Variants in MCM3AP observed in about 807,000 individuals in gnomAD.
MCM3AP encodes the protein germinal-center associated nuclear protein.
In MCM3AP, 126 loss-of-function variants were observed where a neutral mutation model predicts 184.1. The observed-to-expected ratio is 0.68, with a 90% CI of 0.59 to 0.79. The LOEUF is 0.79. Ranked by LOEUF, MCM3AP falls within the 30% of genes least tolerant of loss-of-function variation. The probability of loss-of-function intolerance (pLI) is 0.00; values close to 1 mark genes in which losing one functional copy is unlikely to be tolerated. For missense variants in MCM3AP, 2,496 were observed against 2,479.2 expected, an observed-to-expected ratio of 1.01 and a Z score of -0.14; for synonymous variants, 1,002 against 979.3, an observed-to-expected ratio of 1.02 and a Z score of -0.43.
At position 46,246,333 on chromosome 21, in the gene MCM3AP, T is replaced by C; in HGVS notation, c.4621A>G (p.Ile1541Val). The C allele has an allele frequency of 5.0e-6, 8 of 1,610,392 alleles. No individual in the cohort carries two copies. The highest frequency in any genetic ancestry group is 6.8e-6 in the Non-Finnish European group (8 of 1,176,526). The change falls in exon 22 of 28, where the codon ATT (isoleucine) becomes GTT (valine). Residue 1541 changes from isoleucine to valine, a missense_variant. Transcript: ENST00000291688. Reference sequence around the variant, plus strand: ...TTAGTTGAACCTTGTAGATCATTAATGGTATCAGGGATCTCGGTAACAGTG... The same window carrying C: ...TTAGTTGAACCTTGTAGATCATTAACGGTATCAGGGATCTCGGTAACAGTG... ...DYTVTEIPDT[I>V]NDLQGSTKVL...
chr21:46,268,351 G>C (rs1417799876), intron 9 of MCM3AP, among the ~76,000 whole-genome samples: 2 of 152,202 alleles, frequency 1.3e-5, no homozygotes, highest in Non-Finnish European at 2.9e-5. Flanking sequence ...TCAAGCATTT[G>C]CTCTGTGCCT....
intron 20 of MCM3AP, among the ~76,000 whole-genome samples, chr21:46,247,841 T>G (rs1301808338): frequency 6.6e-6 from 1 of 151,984 alleles, no homozygotes; most frequent in Admixed American, 6.6e-5. Context: ...GGCTCATGAC[T>G]GTAATCCCAG....
Position 46,257,069 on chromosome 21 carries a change from G to C in MCM3AP, c.3735-83C>G, listed in dbSNP as rs570001068. The C allele has an allele frequency of 6.0e-5, 90 of 1,507,800 alleles. No homozygotes were observed. The African/African-American group carries it at 1.2e-3, about 20-fold the overall frequency. The allele number at this position is 1,507,800 out of a possible 1,614,324, so 93.4% of individuals were successfully genotyped here. ...CACATTGCAGTCAGAACTCAGGCATGGGGAAGGAAGGACATCAAATGAGTG... is the reference window on the plus strand; with the variant it reads ...CACATTGCAGTCAGAACTCAGGCATCGGGAAGGAAGGACATCAAATGAGTG... On this transcript the variant is annotated intron_variant, in intron 16 of 27. Coordinates refer to ENST00000291688, the MANE Select transcript of MCM3AP (RefSeq NM_003906.5).
chr21:46,276,160 G>A (rs1213940881), intron 5 of MCM3AP, among the ~76,000 whole-genome samples: 2 of 151,772 alleles, frequency 1.3e-5, no homozygotes, highest in African/African-American at 2.4e-5. Context: ...GCTGAGGCAA[G>A]ACAATCACTT....
intron 26 of MCM3AP, among the ~76,000 whole-genome samples, chr21:46,237,233 C>T (rs2123797578): frequency 6.6e-6 from 1 of 151,444 alleles, no homozygotes; most frequent in African/African-American, 2.4e-5. Context: ...TCCTGAGTAG[C>T]TGGGATTATA....
intron 5 of MCM3AP, among the ~76,000 whole-genome samples, chr21:46,276,706 G>T (rs937223006): frequency 1.3e-5 from 2 of 151,168 alleles, no homozygotes; most frequent in East Asian, 3.9e-4. Context: ...CTCCTAAAGT[G>T]CTGGGATTAC....
At chr21:46,251,129 T>C (rs1474002945) in intron 20 of MCM3AP, 1 of 155,124 alleles carries the variant, frequency 6.4e-6, no homozygotes, top group Non-Finnish European at 1.4e-5. Context: ...AAATGTGACT[T>C]TGTAATCCCA....
Position 46,261,411 on chromosome 21 carries a change from A to G in MCM3AP, c.3336T>C (p.Gly1112=). The change falls in exon 14 of 28, where the codon GGT becomes GGC. Residue 1112 remains glycine (G), a splice_region_variant and synonymous_variant. Coordinates refer to ENST00000291688, the MANE Select transcript of MCM3AP (RefSeq NM_003906.5). Reference sequence around the variant, plus strand: ...AATCCTCCATAGCAGCATTAGAAACACTAAACGGAGCAAAGGGGATAGCAT... The same window carrying G: ...AATCCTCCATAGCAGCATTAGAAACGCTAAACGGAGCAAAGGGGATAGCAT... ...AGAAYAAAAL[G]VSNAAMEDLL... 1 of 1,613,918 alleles carries G rather than the reference A, an allele frequency of 6.2e-7. No homozygotes were observed. The highest frequency in any genetic ancestry group is 1.1e-5 in the South Asian group (1 of 91,084).
At chr21:46,278,766 C>A (rs1000553390) in intron 4 of MCM3AP, among the ~76,000 whole-genome samples, 23 of 151,936 alleles carry the variant, frequency 1.5e-4, no homozygotes, top group African/African-American at 5.3e-4. Flanking sequence ...CTCCGCCTCC[C>A]GGGTTCACGC....
At chr21:46,246,123 T>C (rs1427274233) in intron 22 of MCM3AP, among the ~76,000 whole-genome samples, 184 bp downstream of exon 22, 1 of 152,206 alleles carries the variant, frequency 6.6e-6, no homozygotes, top group Admixed American at 6.5e-5. Flanking sequence ...AGTGGGAAGA[T>C]TGCATGAGCC....
chr21:46,246,251 C>A, intron 22 of MCM3AP, 56 bp downstream of exon 22: 2 of 1,103,930 alleles, frequency 1.8e-6, no homozygotes, highest in Non-Finnish European at 2.8e-6. Context: ...CAAGATACAG[C>A]AAAAGGGGAA....
In MCM3AP at chr21:46,284,829, A is replaced by T; in HGVS notation, c.458T>A (p.Val153Glu). Residue 153 changes from valine to glutamate, a missense_variant, in exon 1 of 28, where the codon GTG becomes GAG. Physicochemically the swap from Val to Glu is moderately radical, Grantham distance 121. Coordinates refer to ENST00000291688, the MANE Select transcript of MCM3AP (RefSeq NM_003906.5). The part of the protein sequence containing the change: ...EFSFKPLENA[V>E]FKPILGAESE... ...TTCAGCCCCCAGTATTGGTTTGAAC[A>T]CTGCATTTTCCAGAGGTTTAAAGCT... is the stretch of plus-strand genomic sequence containing the variant. 1 of 1,614,064 alleles carries T rather than the reference A, an allele frequency of 6.2e-7. No individual in the cohort carries two copies. The highest frequency in any genetic ancestry group is 2.2e-5 in the East Asian group (1 of 44,882).
chr21:46,283,567 G>A, intron 2 of MCM3AP, 48 bp downstream of exon 2: 1 of 1,296,704 alleles, frequency 7.7e-7, no homozygotes, highest in Non-Finnish European at 1.1e-6. Context: ...GTTTTAAAGT[G>A]ACAAGGTTCA....
chr21:46,264,782 A>AG (rs1491278977), intron 12 of MCM3AP, among the ~76,000 whole-genome samples: 3 of 48,016 alleles, frequency 6.2e-5, no homozygotes, highest in African/African-American at 1.9e-4. Flanking sequence ...CACGCCTATC[A>AG]GGGGGCACAG....
In MCM3AP at chr21:46,240,880, G is replaced by T; in HGVS notation, c.5564C>A (p.Ala1855Asp). Residue 1855 changes from alanine (A) to aspartate (D), a missense_variant, in exon 26 of 28, where the codon GCT (alanine) becomes GAT (aspartate). Around this residue, in one of 5 missense-constraint regions of MCM3AP, gnomAD observed 1,323 missense variants for 1,273.4 expected, o/e 1.04. Transcript: ENST00000291688. ...CTGCGCCAAGAGCTCCTCAGCAGAA[G>T]CTCCTCGCATCAGATCCTCTGTGCT... ...IPSTEDLMRG[A>D]SAEELLAQCL... 6.2e-7 allele frequency: 1 copy of T among 1,614,226 alleles called. No individual in the cohort carries two copies.
At chr21:46,258,516 A>G (rs2080990246) in intron 16 of MCM3AP, among the ~76,000 whole-genome samples, 1 of 152,166 alleles carries the variant, frequency 6.6e-6, no homozygotes, top group Admixed American at 6.6e-5. Flanking sequence ...TTTAGTTTGA[A>G]TATACACTAT....
rs74958485 is a variant in MCM3AP, at chr21:46,285,071, T to G, written c.216A>C (p.Thr72=). The change falls in exon 1 of 28, where the codon ACA becomes ACC. Residue 72 remains threonine, a synonymous_variant. Transcript: ENST00000291688. ...CACTTGAGGTTTGGGTGAACCCTAATGTTTGCACTGAAGAGGAATGACTTA... is the reference window on the plus strand; with the variant it reads ...CACTTGAGGTTTGGGTGAACCCTAAGGTTTGCACTGAAGAGGAATGACTTA... ...SGVSHSSSVQ[T]LGFTQTSSVG... is the part of the protein sequence containing the mutation. 6.2e-7 allele frequency: 1 copy of G among 1,614,226 alleles called. No individual in the cohort carries two copies. The highest frequency in any genetic ancestry group is 2.2e-5 in the East Asian group (1 of 44,894).
chr21:46,255,291 T>C (rs891295399), intron 17 of MCM3AP, among the ~76,000 whole-genome samples: 1 of 152,076 alleles, frequency 6.6e-6, no homozygotes, highest in East Asian at 1.9e-4. Context: ...TGCCAGGCCA[T>C]AGCTGGACCT....
At chr21:46,251,984 G>T in intron 19 of MCM3AP, 1 of 214,820 alleles carries the variant, frequency 4.7e-6, no homozygotes, top group Non-Finnish European at 9.2e-6. Flanking sequence ...ACCTGCCTCA[G>T]TAGCTGAGAC....
Sources: allele counts gnomAD v4.1 joint callset (sites outside exome capture counted in the v4.1 genomes callset), GRCh38; gene constraint gnomAD v4.1.1; regional missense constraint gnomAD v4.1.1; transcripts MANE v1.5; gene names NCBI Gene and HGNC (gene_info 2026-07-23, HGNC 2026-07-21).